GRM5: variants seen among roughly 807,000 people sequenced by gnomAD.
The protein encoded by GRM5 is metabotropic glutamate receptor 5.
GRM5 carries 19 observed loss-of-function variants against 83.1 expected under a neutral mutation model. The ratio of observed to expected loss-of-function variants is 0.23; its 90% CI spans 0.16 to 0.34. The LOEUF is 0.34. Ranked by LOEUF, GRM5 falls within the 10% of genes least tolerant of loss-of-function variation. The pLI is 1.00. For synonymous variants in GRM5, 675 were observed against 633.6 expected (o/e 1.07, Z -0.98); for missense variants, 1,160 against 1,588.3 (o/e 0.73, Z 4.58).
intron 3 of GRM5, among the ~76,000 whole-genome samples, chr11:88,747,718 AG>A (rs1942173148): frequency 6.6e-6 from 1 of 151,780 alleles, no homozygotes; most frequent in Non-Finnish European, 1.5e-5. Flanking sequence ...AAAAAAAAAA[AG>A]ATCACGTAAC....
intron 3 of GRM5, among the ~76,000 whole-genome samples, chr11:88,665,162 T>TACACACACACACACACACACACATAC (rs1940007826): frequency 6.4e-5 from 9 of 141,010 alleles, no homozygotes; most frequent in African/African-American, 2.1e-4. Flanking sequence ...TTAATTTATT[T>TACACACACACACACACACACACATAC]ACACACACAC....
At chr11:88,570,550 AATATATATAT>A (rs199551301) in intron 7 of GRM5, among the ~76,000 whole-genome samples, 1 of 71,958 alleles carries the variant, frequency 1.4e-5, no homozygotes, top group Non-Finnish European at 2.5e-5. Flanking sequence ...AAGTATTAAT[AATATATATAT>A]ATATATATAT....
chr11:88,837,618 G>A (rs1483722204), intron 3 of GRM5, among the ~76,000 whole-genome samples: 1 of 152,138 alleles, frequency 6.6e-6, no homozygotes, highest in Non-Finnish European at 1.5e-5. Context: ...AGTATTAGAA[G>A]AGGGCTTCAA....
At chr11:88,729,031 G>A (rs1941745489) in intron 3 of GRM5, among the ~76,000 whole-genome samples, 1 of 152,070 alleles carries the variant, frequency 6.6e-6, no homozygotes, top group Non-Finnish European at 1.5e-5. Context: ...AGGGCAATCA[G>A]GCAAGAGAAA....
At chr11:88,851,899 C>A (rs1004833513) in intron 2 of GRM5, among the ~76,000 whole-genome samples, 1 of 152,150 alleles carries the variant, frequency 6.6e-6, no homozygotes, top group Non-Finnish European at 1.5e-5. Context: ...TTGCAATTAA[C>A]AAAGTTTAAA....
chr11:88,746,959 T>G (rs532806937), intron 3 of GRM5, among the ~76,000 whole-genome samples: 8 of 148,528 alleles, frequency 5.4e-5, no homozygotes, highest in African/African-American at 2.0e-4. Context: ...ATATCCAATT[T>G]AAACAGAATT....
rs902750 is a variant in GRM5 at position 88,582,064 on chromosome 11, T to C, written c.1690+8537A>G. Among the ~76,000 whole-genome samples the C allele has an allele frequency of 7.3e-3, 1,114 of 152,262 alleles. 11 individuals carry two copies. Among genetic ancestry groups the C allele is most frequent in the African/African-American group, 0.026 (1,073 of 41,544 alleles). ...CCTTCATTCATTTCTTCATTTCCTC[T>C]CCTCTCTTTTATTCCTTCATTATAC... On this transcript the variant is annotated intron_variant, in intron 7 of 9. Coordinates refer to ENST00000305447, the MANE Select transcript of GRM5 (RefSeq NM_001143831.3).
chr11:89,044,366 A>G (rs1941598140), intron 2 of GRM5, among the ~76,000 whole-genome samples: 1 of 152,134 alleles, frequency 6.6e-6, no homozygotes, highest in African/African-American at 2.4e-5. Flanking sequence ...AAGCCACAGT[A>G]AATACCCAGT....
At chr11:89,062,594 G>A (rs1446217323) in intron 1 of GRM5, among the ~76,000 whole-genome samples, 2 of 152,180 alleles carry the variant, frequency 1.3e-5, no homozygotes, top group African/African-American at 2.4e-5. Flanking sequence ...TTGGTTACTC[G>A]ATGTTAACAG....
At chr11:88,940,391 TTTC>T (rs1378163521) in intron 2 of GRM5, among the ~76,000 whole-genome samples, 1 of 151,312 alleles carries the variant, frequency 6.6e-6, no homozygotes, top group Non-Finnish European at 1.5e-5. Context: ...TTTTTCTTTT[TTTC>T]TTTTTTTTGT....
chr11:88,947,715 G>C (rs1471843960), intron 2 of GRM5, among the ~76,000 whole-genome samples: 1 of 152,094 alleles, frequency 6.6e-6, no homozygotes, highest in African/African-American at 2.4e-5. Context: ...ACTTTACTGG[G>C]TTGGGGAAGA....
At position 88,525,331 on chromosome 11, in the gene GRM5, C is replaced by T. The variant is rs1333604482; in HGVS notation, c.2704G>A (p.Gly902Ser). ...TACCTGCTCATTGTTGCTCTCCCAC[C>T]ATTCCCCATACTCCCTTTGGGGGTG... ...CFTPKGSMGNGGRATMSSSNG... is the reference protein window; with the variant it reads ...CFTPKGSMGNSGRATMSSSNG... Residue 902 changes from glycine (G) to serine (S), a missense_variant, in exon 9 of 10, where the codon GGT becomes AGT. Physicochemically the swap from Gly to Ser is moderately conservative, Grantham distance 56. Transcript: ENST00000305447. 6.2e-7 allele frequency: 1 copy of T among 1,608,098 alleles called. No homozygotes were observed. Among genetic ancestry groups the T allele is most frequent in the Admixed American group, 1.7e-5 (1 of 60,008 alleles).
chr11:88,584,507 C>T (rs1943275133), intron 7 of GRM5, among the ~76,000 whole-genome samples: 1 of 152,110 alleles, frequency 6.6e-6, no homozygotes, highest in African/African-American at 2.4e-5. Flanking sequence ...GATCTCCACT[C>T]ACTGCAACCT....
chr11:88,885,960 G>A (rs1257642649), intron 2 of GRM5, among the ~76,000 whole-genome samples: 2 of 152,138 alleles, frequency 1.3e-5, no homozygotes, highest in East Asian at 1.9e-4. Context: ...AGACGAGATG[G>A]TGCCGATCAA....
At chr11:89,000,193 C>A (rs1341283725) in intron 2 of GRM5, among the ~76,000 whole-genome samples, 3 of 151,960 alleles carry the variant, frequency 2.0e-5, no homozygotes, top group African/African-American at 7.3e-5. Flanking sequence ...ACATATGTAA[C>A]AAACCTGCAT....
At chr11:88,961,472 T>C (rs948241215) in intron 2 of GRM5, among the ~76,000 whole-genome samples, 3 of 152,126 alleles carry the variant, frequency 2.0e-5, no homozygotes, top group Non-Finnish European at 2.9e-5. Context: ...TCACTGTCTG[T>C]CCTTGGGCCA....
At chr11:88,759,404 GA>G (rs1279489694) in intron 3 of GRM5, among the ~76,000 whole-genome samples, 2 of 151,834 alleles carry the variant, frequency 1.3e-5, no homozygotes, top group African/African-American at 2.4e-5. Context: ...ACAGAAAACA[GA>G]AAAAAAGCAG....
In GRM5 at chr11:88,835,590, A is replaced by G. The variant is rs185297452; in HGVS notation, c.911+14316T>C. On this transcript the variant is annotated intron_variant, in intron 3 of 9. Coordinates refer to ENST00000305447, the MANE Select transcript of GRM5 (RefSeq NM_001143831.3). Reference sequence around the variant, plus strand: ...TGGCAAAGGGGAGTCAACTAAGATCATTTTGCAAAAGGATGACACAATTAC... The same window carrying G: ...TGGCAAAGGGGAGTCAACTAAGATCGTTTTGCAAAAGGATGACACAATTAC... Among the ~76,000 whole-genome samples, 5 of 152,088 alleles carry G rather than the reference A, an allele frequency of 3.3e-5. No homozygotes were observed. The East Asian group carries it at 7.8e-4, about 24-fold the overall frequency.
intron 3 of GRM5, among the ~76,000 whole-genome samples, chr11:88,780,828 C>G (rs930607858): frequency 6.6e-6 from 1 of 151,946 alleles, no homozygotes; most frequent in Admixed American, 6.6e-5. Context: ...GTATATTTTT[C>G]CTATTGAAAA....
Sources: allele counts gnomAD v4.1 joint callset (sites outside exome capture counted in the v4.1 genomes callset), GRCh38; gene constraint gnomAD v4.1.1; transcripts MANE v1.5; gene names NCBI Gene and HGNC (gene_info 2026-07-23, HGNC 2026-07-21).